The following RGS9 variants were observed in gnomAD, a reference collection of about 807,000 sequenced individuals.
RGS9 encodes regulator of G-protein signalling 9.
A neutral mutation model predicts 102.0 loss-of-function variants in RGS9; 78 were observed. The observed-to-expected ratio is 0.76, with a 90% CI of 0.64 to 0.92. The LOEUF (loss-of-function observed/expected upper bound fraction) is 0.92. Among genes scored for constraint, RGS9 ranks in the 40% least tolerant of loss-of-function variants. RGS9 has a pLI of 0.00. For synonymous variants in RGS9, 353 were observed against 318.6 expected (o/e 1.11, Z -1.15); for missense variants, 833 against 866.1 (o/e 0.96, Z 0.48).
chr17:65,164,488 C>A (rs540508449), intron 7 of RGS9, among the ~76,000 whole-genome samples: 52 of 152,276 alleles, frequency 3.4e-4, no homozygotes, highest in African/African-American at 1.2e-3. Flanking sequence ...CCCAGTCCAG[C>A]CTCACTCGCT....
At chr17:65,209,729 A>T (rs1913215979) in intron 16 of RGS9, among the ~76,000 whole-genome samples, 1 of 152,146 alleles carries the variant, frequency 6.6e-6, no homozygotes, top group Non-Finnish European at 1.5e-5. Flanking sequence ...ACTGGGGCCT[A>T]GCTATTTTGG....
At chr17:65,161,409 G>A (rs936795179) in intron 6 of RGS9, among the ~76,000 whole-genome samples, 11 of 151,952 alleles carry the variant, frequency 7.2e-5, no homozygotes. Context: ...GTGCCACCAC[G>A]CCTGGCTAAT....
chr17:65,157,339 C>T (rs1178955628), intron 2 of RGS9, among the ~76,000 whole-genome samples: 7 of 151,888 alleles, frequency 4.6e-5, no homozygotes, highest in Non-Finnish European at 2.9e-5. Context: ...TACCTTGTGC[C>T]TACGAGCTGT....
At chr17:65,218,248 G>C (rs529856792) in intron 17 of RGS9, among the ~76,000 whole-genome samples, 1 of 152,232 alleles carries the variant, frequency 6.6e-6, no homozygotes, top group South Asian at 2.1e-4. Flanking sequence ...AATGGGAAAT[G>C]CTGTGGGATG....
intron 7 of RGS9, 87 bp downstream of exon 7, chr17:65,163,176 A>AT (rs1214046351): frequency 4.6e-5 from 30 of 655,248 alleles, no homozygotes; most frequent in African/African-American, 1.3e-4. Flanking sequence ...TTTATTTTTT[A>AT]TTTTTATTTT....
At chr17:65,187,269 G>A (rs556787051) in intron 9 of RGS9, among the ~76,000 whole-genome samples, 1 of 152,122 alleles carries the variant, frequency 6.6e-6, no homozygotes, top group South Asian at 2.1e-4. Context: ...GCCATTAATG[G>A]TGCCTTCATG....
chr17:65,171,500 A>G (rs147497893), intron 8 of RGS9, among the ~76,000 whole-genome samples: 33 of 152,356 alleles, frequency 2.2e-4, no homozygotes, highest in Non-Finnish European at 2.9e-4. Context: ...TCCCTCTCTC[A>G]GCTCAAGGAG....
chr17:65,160,757 C>T, intron 5 of RGS9, 94 bp from the exon 6 acceptor site: 1 of 1,451,610 alleles, frequency 6.9e-7, no homozygotes, highest in Non-Finnish European at 9.7e-7. Flanking sequence ...AGCGTTCTCT[C>T]CCCGACTCTG....
At chr17:65,191,122 C>G (rs2144066578) in intron 11 of RGS9, among the ~76,000 whole-genome samples, 1 of 152,308 alleles carries the variant, frequency 6.6e-6, no homozygotes, top group Non-Finnish European at 1.5e-5. Context: ...AAGCCCTGAT[C>G]CCAGCTGAGG....
chr17:65,215,490 TTCTTTCG>T (rs879709465), intron 17 of RGS9, among the ~76,000 whole-genome samples: 1,757 of 88,814 alleles, frequency 0.02, 22 homozygotes, highest in African/African-American at 0.07. Flanking sequence ...CTTTCTTTCG[TTCTTTCG>T]TTCTTTCTTT....
chr17:65,197,663 T>C (rs1912648347), intron 13 of RGS9, among the ~76,000 whole-genome samples: 2 of 151,938 alleles, frequency 1.3e-5, no homozygotes, highest in African/African-American at 4.8e-5. Flanking sequence ...CTTTTTTCTT[T>C]GTTTCTTTCT....
At chr17:65,143,191 G>T (rs528417314) in intron 1 of RGS9, among the ~76,000 whole-genome samples, 1 of 152,264 alleles carries the variant, frequency 6.6e-6, no homozygotes, top group East Asian at 1.9e-4. Flanking sequence ...CATCTAGTGG[G>T]TGGAGGACAT....
chr17:65,227,239 G>T (rs1287728894), intron 18 of RGS9, 36 bp from the exon 19 acceptor site: 1 of 1,613,998 alleles, frequency 6.2e-7, no homozygotes, highest in Admixed American at 1.7e-5. Context: ...TCCTGCCCCT[G>T]CCCCTACATT....
Position 65,156,477 on chromosome 17 carries a change from A to G in RGS9, c.155-1818A>G, listed in dbSNP as rs542900086. On this transcript the variant is annotated intron_variant, in intron 2 of 18. Transcript: ENST00000262406. ...CAGGTGAATTCCAGCTGCTGTAGAA[A>G]CAACACAGGGAGAAGCCCTGGTCCT... is the stretch of plus-strand genomic sequence containing the variant. 1.3e-3 allele frequency among the ~76,000 whole-genome samples: 199 copies of G among 152,370 alleles called. 1 individual carries two copies. Among genetic ancestry groups the G allele is most frequent in the Non-Finnish European group, 1.2e-3 (83 of 68,044 alleles).
intron 17 of RGS9, among the ~76,000 whole-genome samples, chr17:65,217,066 G>A (rs1053982046): frequency 5.3e-5 from 8 of 152,154 alleles, no homozygotes; most frequent in African/African-American, 1.9e-4. Flanking sequence ...AGTTAAGAAC[G>A]GAGTGGCAGA....
At position 65,139,431 on chromosome 17, in the gene RGS9, C is replaced by T. The variant is rs540565349; in HGVS notation, c.57+1834C>T. Reference sequence around the variant, plus strand: ...TGAGCAGCCTGGTTACCCAGGATTCCGCTCCCACCATCTTCCTGGCTTTGC... The same window carrying T: ...TGAGCAGCCTGGTTACCCAGGATTCTGCTCCCACCATCTTCCTGGCTTTGC... On this transcript the variant is annotated intron_variant, in intron 1 of 18. Coordinates refer to ENST00000262406, the MANE Select transcript of RGS9 (RefSeq NM_003835.4). Among the ~76,000 whole-genome samples, 344 of 152,102 alleles carry T rather than the reference C, an allele frequency of 2.3e-3. 1 individual carries two copies. Among genetic ancestry groups the T allele is most frequent in the African/African-American group, 7.9e-3 (329 of 41,510 alleles).
intron 8 of RGS9, among the ~76,000 whole-genome samples, chr17:65,177,471 C>A (rs1911689152): frequency 1.3e-5 from 2 of 152,126 alleles, no homozygotes; most frequent in Admixed American, 1.3e-4. Flanking sequence ...CATCCACCCA[C>A]CCACGCATCT....
At chr17:65,189,158 C>A (rs1912255313) in intron 9 of RGS9, 128 bp from the exon 10 acceptor site, 1 of 747,706 alleles carries the variant, frequency 1.3e-6, no homozygotes, top group Middle Eastern at 3.7e-4. Context: ...ATGGAGAAAT[C>A]CTATCTTTTA....
intron 17 of RGS9, among the ~76,000 whole-genome samples, chr17:65,214,001 G>T (rs191878488): frequency 1.1e-4 from 17 of 152,248 alleles, no homozygotes; most frequent in African/African-American, 3.1e-4. Flanking sequence ...TTGCTCTGTT[G>T]CCCAGGCTGG....
Sources: gnomAD v4.1 joint callset for allele counts (sites outside exome capture counted in the v4.1 genomes callset) on GRCh38, gnomAD v4.1.1 for gene constraint, MANE v1.5 for transcripts, NCBI Gene and HGNC (gene_info 2026-07-23, HGNC 2026-07-21) for gene names.